ENTPD4: variants seen among roughly 807,000 people sequenced by gnomAD.
The protein encoded by ENTPD4 is Golgi UDPase.
A neutral mutation model predicts 79.1 loss-of-function variants in ENTPD4; 60 were observed. The ratio of observed to expected loss-of-function variants is 0.76; its 90% CI spans 0.62 to 0.94. ENTPD4 has a LOEUF of 0.94. Among genes scored for constraint, ENTPD4 ranks in the 40% least tolerant of loss-of-function variants. The probability of loss-of-function intolerance (pLI) is 0.00; values close to 1 mark genes in which losing one functional copy is unlikely to be tolerated. For missense variants in ENTPD4, 772 were observed against 775.1 expected (o/e 1.00, Z 0.05); for synonymous variants, 276 against 292.0 (o/e 0.95, Z 0.56).
rs1000235128 is a variant in ENTPD4, at chr8:23,457,612, G to C, written c.-153C>G. On this transcript the variant is annotated 5_prime_UTR_variant, in exon 1 of 13. Coordinates refer to ENST00000358689, the MANE Select transcript of ENTPD4 (RefSeq NM_004901.5). ...GGGGACCACCAGTGGGCAGCATCAC[G>C]GCCAGCCGGCTTCCTGGAGGCCGCG... is the stretch of plus-strand genomic sequence containing the variant. 6.6e-6 allele frequency: 1 copy of C among 151,824 alleles called. No individual in the cohort carries two copies. The highest frequency in any genetic ancestry group is 1.5e-5 in the Non-Finnish European group (1 of 67,912). The allele number at this position is 151,824 out of a possible 1,614,324, so 9.4% of individuals were successfully genotyped here.
At chr8:23,449,721 G>A (rs1332084701) in intron 2 of ENTPD4, among the ~76,000 whole-genome samples, 172 bp downstream of exon 2, 1 of 152,140 alleles carries the variant, frequency 6.6e-6, no homozygotes, top group Admixed American at 6.5e-5. Flanking sequence ...TCACCTTGAA[G>A]AGTGCTTCAT....
chr8:23,455,887 T>G (rs1800949134), intron 1 of ENTPD4, among the ~76,000 whole-genome samples: 1 of 152,174 alleles, frequency 6.6e-6, no homozygotes, highest in Non-Finnish European at 1.5e-5. Context: ...GATTCCCACA[T>G]CCGGTGTTGA....
intron 8 of ENTPD4, among the ~76,000 whole-genome samples, chr8:23,440,760 T>C (rs961090146): frequency 1.3e-5 from 2 of 152,206 alleles, no homozygotes; most frequent in Non-Finnish European, 2.9e-5. Flanking sequence ...AACCTTCTAA[T>C]AACCCCATGT....
At chr8:23,443,167 T>TG (rs1800703647) in intron 6 of ENTPD4, among the ~76,000 whole-genome samples, 1 of 120,914 alleles carries the variant, frequency 8.3e-6, no homozygotes, top group African/African-American at 4.1e-5. Context: ...TGGCCCTAGC[T>TG]GGAAAAAAAA....
chr8:23,438,969 T>C (rs532346558), intron 9 of ENTPD4, among the ~76,000 whole-genome samples: 1 of 152,200 alleles, frequency 6.6e-6, no homozygotes, highest in Non-Finnish European at 1.5e-5. Context: ...CTAGGATTTT[T>C]TTCCCTCAAA....
At chr8:23,450,562 G>A (rs375991559) in intron 1 of ENTPD4, among the ~76,000 whole-genome samples, 19 of 152,080 alleles carry the variant, frequency 1.2e-4, no homozygotes, top group Non-Finnish European at 2.4e-4. Flanking sequence ...ATCTTTCCTC[G>A]GTCTCACAAA....
chr8:23,440,239 T>C (rs912542731), intron 8 of ENTPD4, among the ~76,000 whole-genome samples: 8 of 152,360 alleles, frequency 5.3e-5, no homozygotes, highest in African/African-American at 1.9e-4. Context: ...TATGCAAAGA[T>C]GTCCTTTGTC....
At chr8:23,456,512 C>T (rs1585414224) in intron 1 of ENTPD4, among the ~76,000 whole-genome samples, 1 of 152,278 alleles carries the variant, frequency 6.6e-6, no homozygotes, top group South Asian at 2.1e-4. Flanking sequence ...TGTCTCCTTC[C>T]TAGACTATAT....
chr8:23,442,144 A>T, intron 6 of ENTPD4, 78 bp from the exon 7 acceptor site: 1 of 976,860 alleles, frequency 1.0e-6, no homozygotes, highest in Non-Finnish European at 1.6e-6. Flanking sequence ...CAGTCTGTGC[A>T]AACGTCTCAC....
chr8:23,438,578 C>A (rs563063851), intron 9 of ENTPD4, among the ~76,000 whole-genome samples: 1 of 152,142 alleles, frequency 6.6e-6, no homozygotes, highest in South Asian at 2.1e-4. Context: ...TTAAGAAGTA[C>A]CACTAAACTA....
chr8:23,440,950 A>AG (rs1424382281), intron 8 of ENTPD4, among the ~76,000 whole-genome samples: 1 of 152,230 alleles, frequency 6.6e-6, no homozygotes, highest in African/African-American at 2.4e-5. Context: ...CCCACCTTTG[A>AG]GGGGAAAATC....
Position 23,444,483 on chromosome 8 carries a change from G to A in ENTPD4, c.536C>T (p.Thr179Met), listed in dbSNP as rs779896655. The A allele has an allele frequency of 4.7e-5, 76 of 1,614,090 alleles. No homozygotes were observed. Among genetic ancestry groups the A allele is most frequent in the Non-Finnish European group, 6.1e-5 (72 of 1,179,972 alleles). The stretch of plus-strand genomic sequence containing the variant: ...TTCGGGGAGGATTCTCATTCCAGCC[G>A]TGCAGAGAATGTAGAGAGGTGTCTC... ...HKETPLYILC[T>M]AGMRILPESQ... The change falls in exon 5 of 13, where the codon ACG becomes ATG. Residue 179 changes from threonine to methionine, a missense_variant. Thr to Met is a moderately conservative substitution (Grantham distance 81). Transcript: ENST00000358689.
intron 4 of ENTPD4, 65 bp from the exon 5 acceptor site, chr8:23,444,671 A>T: frequency 6.9e-7 from 1 of 1,445,208 alleles, no homozygotes; most frequent in Non-Finnish European, 9.7e-7. Context: ...ATGTTTCTTC[A>T]GAGTGGCTAA....
chr8:23,444,655 CAT>C lies in ENTPD4; in HGVS notation c.413-51_413-50del, dbSNP rs762638771. 231 of 1,545,470 alleles carry C rather than the reference CAT, an allele frequency of 1.5e-4. 2 individuals carry two copies. The South Asian group carries it at 1.6e-3, about 11-fold the overall frequency. On this transcript the variant is annotated intron_variant, in intron 4 of 12. Transcript: ENST00000358689. ...TAAGAAGCAGATATTTTAGCTATAACATGTGATGTTTCTTCAGAGTGGCTAAT... is the reference window on the plus strand; with the variant it reads ...TAAGAAGCAGATATTTTAGCTATAACGTGATGTTTCTTCAGAGTGGCTAAT...
intron 9 of ENTPD4, among the ~76,000 whole-genome samples, chr8:23,437,892 G>A (rs1050989736): frequency 6.6e-6 from 1 of 152,130 alleles, no homozygotes; most frequent in African/African-American, 2.4e-5. Context: ...TTGGTTCAGA[G>A]GAAAAGATTA....
Position 23,430,554 on chromosome 8 carries a change from C to T in ENTPD4, c.*2372G>A. 1 of 983,626 alleles carries T rather than the reference C, an allele frequency of 1.0e-6. No individual in the cohort carries two copies. The highest frequency in any genetic ancestry group is 1.2e-6 in the Non-Finnish European group (1 of 828,326). The allele number at this position is 983,626 out of a possible 1,614,324, so 60.9% of individuals were successfully genotyped here. ...AGTAAATATTCTAGGCTTTACAGGC[C>T]ACATATAGTGTCTGCTGCATATTCT... On this transcript the variant is annotated 3_prime_UTR_variant, in exon 13 of 13. Transcript: ENST00000358689.
intron 4 of ENTPD4, among the ~76,000 whole-genome samples, chr8:23,445,177 C>T (rs902936970): frequency 6.6e-6 from 1 of 152,196 alleles, no homozygotes; most frequent in Non-Finnish European, 1.5e-5. Context: ...TAGATGAAGT[C>T]CCTCTCCCTC....
rs529227070 is a variant in ENTPD4, at chr8:23,429,780, C to A, written c.*3146G>T. 47 of 985,464 alleles carry A rather than the reference C, an allele frequency of 4.8e-5. 2 individuals are homozygous for A. The African/African-American group carries it at 6.8e-4, about 14-fold the overall frequency. The allele number at this position is 985,464 out of a possible 1,614,324, so 61.0% of individuals were successfully genotyped here. On this transcript the variant is annotated 3_prime_UTR_variant, in exon 13 of 13. Coordinates refer to ENST00000358689, the MANE Select transcript of ENTPD4 (RefSeq NM_004901.5). ...TCAGCCACCAGCAGCGTCTTCACTC[C>A]GCCCAGGTCAGAAAGCACTGCCTAA...
At position 23,444,562 on chromosome 8, in the gene ENTPD4, T is replaced by C. The variant is rs749178747; in HGVS notation, c.457A>G (p.Ile153Val). 8 of 1,614,004 alleles carry C rather than the reference T, an allele frequency of 5.0e-6. No individual in the cohort carries two copies. The African/African-American group carries it at 5.3e-5, about 11-fold the overall frequency. The change falls in exon 5 of 13, where the codon ATT (isoleucine) becomes GTT (valine). Residue 153 changes from isoleucine to valine, a missense_variant. Physicochemically the swap from Ile to Val is conservative, Grantham distance 29. Coordinates refer to ENST00000358689, the MANE Select transcript of ENTPD4 (RefSeq NM_004901.5). The stretch of plus-strand genomic sequence containing the variant: ...GCAGCAAAGTTCAAAAGTGGAGAAA[T>C]GTAATCACTGACTTTCTCTGGAGAG... ...ATSPEKVSDY[I>V]SPLLNFAAEH... is the part of the protein sequence containing the mutation.
Sources: allele counts gnomAD v4.1 joint callset (sites outside exome capture counted in the v4.1 genomes callset), GRCh38; gene constraint gnomAD v4.1.1; transcripts MANE v1.5; gene names NCBI Gene and HGNC (gene_info 2026-07-23, HGNC 2026-07-21).